CFAP65: variants seen among roughly 807,000 people sequenced by gnomAD.
The protein encoded by CFAP65 is cilia- and flagella-associated protein 65.
A neutral mutation model predicts 208.0 loss-of-function variants in CFAP65; 155 were observed. The ratio of observed to expected loss-of-function variants is 0.75; its 90% CI spans 0.65 to 0.85. The LOEUF is 0.85. Among genes scored for constraint, CFAP65 ranks in the 40% least tolerant of loss-of-function variants. The pLI, the probability that CFAP65 is intolerant of heterozygous loss-of-function variation, is 0.00. For synonymous variants in CFAP65, 970 were observed against 986.3 expected, an observed-to-expected ratio of 0.98 and a Z score of 0.31; for missense variants, 2,294 against 2,451.3, an observed-to-expected ratio of 0.94 and a Z score of 1.36.
At chr2:219,030,611 C>T (rs998714920) in intron 9 of CFAP65, 78 bp downstream of exon 9, 3 of 1,542,688 alleles carry the variant, frequency 1.9e-6, no homozygotes, top group African/African-American at 2.7e-5. Context: ...AAAGGGGGGG[C>T]ATTCTGCAAG....
chr2:219,010,200 G>A lies in CFAP65; in HGVS notation c.4309-115C>T, dbSNP rs993288853. The A allele has an allele frequency of 1.1e-5, 11 of 1,029,814 alleles. No homozygotes were observed. The African/African-American group carries it at 1.5e-4, about 14-fold the overall frequency. The allele number at this position is 1,029,814 out of a possible 1,614,324, so 63.8% of individuals were successfully genotyped here. On this transcript the variant is annotated intron_variant, in intron 26 of 34. Transcript: ENST00000341552. ...GGGAGGATCACGAGGTCAGAAAATC[G>A]AGACCACTGTGCCTGGCCCTTTTGA...
Position 219,003,179 on chromosome 2 carries a change from GGTGA to G in CFAP65, c.5645_5648del (p.Leu1882ProfsTer18). ...GCAGGGCGATGACGCGTGGCCGCGA[GGTGA>G]GTACCACCTCCCCGCGGCTCGCCTC... On this transcript the variant is annotated frameshift_variant, in exon 34 of 35. Transcript: ENST00000341552. LOFTEE classifies it low-confidence loss of function (END_TRUNC). This position sits in a 1 kb window ranked among gnomAD's most constrained non-coding sequence, Gnocchi z 4.4. The G allele has an allele frequency of 6.5e-7, 1 of 1,547,358 alleles. No homozygotes were observed. Among genetic ancestry groups the G allele is most frequent in the Non-Finnish European group, 8.7e-7 (1 of 1,144,996 alleles).
chr2:219,035,333 T>C, intron 5 of CFAP65, 147 bp downstream of exon 5: 1 of 1,554,420 alleles, frequency 6.4e-7, no homozygotes, highest in Non-Finnish European at 8.7e-7. Flanking sequence ...GCTGCATAAT[T>C]ATTCATACTG....
In CFAP65 at chr2:219,035,480, C is replaced by G; in HGVS notation, c.542G>C (p.Arg181Thr). 1 of 1,614,108 alleles carries G rather than the reference C, an allele frequency of 6.2e-7. No homozygotes were observed. ...RSLKLQKMKY[R>T]PPKTKFFFTV... is the part of the protein sequence containing the mutation. ...GGTCCTTGATCCCTTATACTGGTAC[C>G]TGTACTTCATCTTCTGGAGTTTCAA... is the stretch of plus-strand genomic sequence containing the variant. The change falls in exon 5 of 35, where the codon AGG becomes ACG. Residue 181 changes from arginine to threonine, a missense_variant and splice_region_variant. By Grantham distance (71) the Arg-to-Thr change is moderately conservative (BLOSUM62 -1). Around this residue, in one of 2 missense-constraint regions of CFAP65, gnomAD observed 867 missense variants for 1,012.6 expected, o/e 0.86. Transcript: ENST00000341552.
chr2:219,013,418 T>G, intron 23 of CFAP65, 49 bp from the exon 24 acceptor site: 2 of 1,548,482 alleles, frequency 1.3e-6, no homozygotes, highest in Non-Finnish European at 1.8e-6. Flanking sequence ...AGTGGAGATC[T>G]GGACCCCAGT....
chr2:219,011,456 T>C (rs1038576118), intron 24 of CFAP65, among the ~76,000 whole-genome samples: 3 of 151,872 alleles, frequency 2.0e-5, no homozygotes, highest in Non-Finnish European at 2.9e-5. Flanking sequence ...AAAATATATA[T>C]ATTTTTTAGA....
At chr2:219,034,231 G>A (rs1948218043) in intron 5 of CFAP65, 1 of 152,122 alleles carries the variant, frequency 6.6e-6, no homozygotes. Context: ...CTCAAGAAGT[G>A]TTTTATGTGC....
intron 20 of CFAP65, 110 bp downstream of exon 20, chr2:219,019,396 A>G: frequency 8.9e-7 from 1 of 1,121,108 alleles, no homozygotes; most frequent in East Asian, 2.6e-5. Context: ...TCTTCCCTCA[A>G]AGAGATGGGA....
At position 219,021,038 on chromosome 2, in the gene CFAP65, C is replaced by T. The variant is rs531165230; in HGVS notation, c.3259+114G>A. 39 of 1,238,668 alleles carry T rather than the reference C, an allele frequency of 3.1e-5. No individual in the cohort carries two copies. In the South Asian group the frequency reaches 6.1e-4, roughly 20 times the overall value. 76.7% of individuals were successfully genotyped at this position (1,238,668 alleles called of 1,614,324 possible). ...ACACCAAAGGCACACCTCAGCACAC[C>T]CCACTCACCCTGCCAGCTCTGCCTG... On this transcript the variant is annotated intron_variant, in intron 19 of 34. Transcript: ENST00000341552.
intron 4 of CFAP65, among the ~76,000 whole-genome samples, chr2:219,036,647 T>A (rs752289388): frequency 5.9e-5 from 9 of 152,152 alleles, no homozygotes; most frequent in Non-Finnish European, 1.3e-4. Flanking sequence ...TTTCACCATG[T>A]TGGTCAGGCA....
intron 27 of CFAP65, 22 bp downstream of exon 27, chr2:219,009,920 C>T (rs1946352116): frequency 1.9e-6 from 3 of 1,592,264 alleles, no homozygotes; most frequent in Middle Eastern, 1.8e-4. Flanking sequence ...GATGGAGGTT[C>T]CAGGGCTCAG....
rs1000843066 is a variant in CFAP65 at position 219,010,395 on chromosome 2, G to T, written c.4308+151C>A. On this transcript the variant is annotated intron_variant, in intron 26 of 34. Transcript: ENST00000341552. ...GCTGGTGCTGCCTCCTGAATCTGGAGGAGGGTGAGTTCCAAGGTCTCATCT... is the reference window on the plus strand; with the variant it reads ...GCTGGTGCTGCCTCCTGAATCTGGATGAGGGTGAGTTCCAAGGTCTCATCT... The T allele has an allele frequency of 1.4e-5, 11 of 805,340 alleles. No individual in the cohort carries two copies. In the African/African-American group the frequency reaches 1.9e-4, roughly 14 times the overall value. The allele number at this position is 805,340 out of a possible 1,614,324, so 49.9% of individuals were successfully genotyped here.
At chr2:219,040,931 T>G (rs560251080) in intron 1 of CFAP65, among the ~76,000 whole-genome samples, 13 of 151,782 alleles carry the variant, frequency 8.6e-5, no homozygotes, top group Non-Finnish European at 1.9e-4. Flanking sequence ...AAAGTCGATG[T>G]GCAGCTCGAA....
intron 21 of CFAP65, among the ~76,000 whole-genome samples, chr2:219,016,070 AC>A (rs1946860199): frequency 6.6e-6 from 1 of 152,082 alleles, no homozygotes; most frequent in African/African-American, 2.4e-5. Flanking sequence ...AATCCTCATC[AC>A]CCTAGCAGCT....
chr2:219,035,380 T>C (rs779121713), intron 5 of CFAP65, 100 bp downstream of exon 5: 1 of 1,605,336 alleles, frequency 6.2e-7, no homozygotes, highest in Non-Finnish European at 8.5e-7. Context: ...TTATATGGCA[T>C]GTTAAAGGTT....
chr2:219,005,163 C>T (rs1945872771), intron 32 of CFAP65, among the ~76,000 whole-genome samples: 1 of 152,052 alleles, frequency 6.6e-6, no homozygotes, highest in South Asian at 2.1e-4. Flanking sequence ...GTAACTGGGA[C>T]TGCAGGCATG....
At position 219,008,918 on chromosome 2, in the gene CFAP65, G is replaced by C. The variant is rs114225815; in HGVS notation, c.4674+129C>G. On this transcript the variant is annotated intron_variant, in intron 29 of 34. Transcript: ENST00000341552. ...AGATGCTAAGCTGAGTCCAGTGAATGAAATGTAATCTCTTAGGGCAGGCTG... is the reference window on the plus strand; with the variant it reads ...AGATGCTAAGCTGAGTCCAGTGAATCAAATGTAATCTCTTAGGGCAGGCTG... 1.2e-3 allele frequency: 833 copies of C among 686,148 alleles called. 6 individuals carry two copies. The African/African-American group carries it at 0.013, about 11-fold the overall frequency. 42.5% of individuals were successfully genotyped at this position (686,148 alleles called of 1,614,324 possible).
Position 219,021,866 on chromosome 2 carries a change from A to G in CFAP65, c.3044T>C (p.Val1015Ala). Residue 1015 changes from valine to alanine, a missense_variant, in exon 18 of 35, where the codon GTC becomes GCC. Physicochemically the swap from Val to Ala is moderately conservative, Grantham distance 64 (BLOSUM62 0). Coordinates refer to ENST00000341552, the MANE Select transcript of CFAP65 (RefSeq NM_194302.4). The part of the protein sequence containing the change: ...LVNSKQSRFL[V>A]LLNDGNCTLY... ...GGTGCAGTTGCCGTCATTCAGGAGGACAAGGAACCTGGACTGCTTGCTGTT... is the reference window on the plus strand; with the variant it reads ...GGTGCAGTTGCCGTCATTCAGGAGGGCAAGGAACCTGGACTGCTTGCTGTT... 6.2e-7 allele frequency: 1 copy of G among 1,613,808 alleles called. No homozygotes were observed. The highest frequency in any genetic ancestry group is 1.3e-5 in the African/African-American group (1 of 75,032).
chr2:219,021,505 T>C (rs921994287), intron 18 of CFAP65, among the ~76,000 whole-genome samples: 3 of 152,136 alleles, frequency 2.0e-5, no homozygotes, highest in Admixed American at 2.0e-4. Context: ...CCCTGTGAGG[T>C]AGGTGCCACC....
Sources: gnomAD v4.1 joint callset for allele counts (sites outside exome capture counted in the v4.1 genomes callset) on GRCh38, gnomAD v4.1.1 for gene constraint, gnomAD v4.1.1 regional missense constraint, Gnocchi (gnomAD v3.1) non-coding constraint, MANE v1.5 for transcripts, NCBI Gene and HGNC (gene_info 2026-07-23, HGNC 2026-07-21) for gene names.